The following BCL2 variants were observed in gnomAD, a reference collection of about 807,000 sequenced individuals.
BCL2 encodes apoptosis regulator Bcl-2.
Under a neutral mutation model 14.2 loss-of-function variants are expected in BCL2, and 1 was observed. The observed-to-expected ratio is 0.07, with a 90% CI of 0.02 to 0.33. BCL2 has a LOEUF of 0.33. Ranked by LOEUF, BCL2 falls within the 10% of genes least tolerant of loss-of-function variation. BCL2 has a pLI of 0.99. For missense variants in BCL2, 247 were observed against 305.9 expected (o/e 0.81, Z 1.44); for synonymous variants, 151 against 137.2 (o/e 1.10, Z -0.70).
intron 2 of BCL2, among the ~76,000 whole-genome samples, chr18:63,306,121 T>G (rs1913125226): frequency 6.6e-6 from 1 of 151,898 alleles, no homozygotes; most frequent in African/African-American, 2.4e-5. Flanking sequence ...AAAAAAGCAT[T>G]TATATATAAC....
intron 2 of BCL2, among the ~76,000 whole-genome samples, chr18:63,303,112 A>AG (rs1324186827): frequency 1.3e-5 from 2 of 152,232 alleles, no homozygotes; most frequent in African/African-American, 4.8e-5. Flanking sequence ...TGAAGGGAAA[A>AG]GGATCATACC....
intron 2 of BCL2, among the ~76,000 whole-genome samples, chr18:63,280,309 T>C (rs1912274063): frequency 3.3e-5 from 5 of 152,196 alleles, no homozygotes; most frequent in Admixed American, 1.3e-4. Flanking sequence ...ATCTATTAAA[T>C]GAAGGTGATA....
chr18:63,148,029 C>T (rs1159028864), intron 2 of BCL2, among the ~76,000 whole-genome samples: 1 of 152,136 alleles, frequency 6.6e-6, no homozygotes, highest in African/African-American at 2.4e-5. Context: ...AGAGAAAATC[C>T]ATCAGTCATT....
At chr18:63,167,675 C>T (rs1915077553) in intron 2 of BCL2, among the ~76,000 whole-genome samples, 1 of 152,064 alleles carries the variant, frequency 6.6e-6, no homozygotes, top group Non-Finnish European at 1.5e-5. Flanking sequence ...TGTCTGTAAT[C>T]CCAGCATATG....
intron 2 of BCL2, among the ~76,000 whole-genome samples, chr18:63,291,200 A>G (rs1332526962): frequency 6.6e-6 from 1 of 152,206 alleles, no homozygotes; most frequent in Non-Finnish European, 1.5e-5. Flanking sequence ...GGTTTTCACA[A>G]GAGTTACTTA....
intron 2 of BCL2, among the ~76,000 whole-genome samples, chr18:63,274,446 G>C (rs759628139): frequency 1.3e-5 from 2 of 151,606 alleles, no homozygotes; most frequent in African/African-American, 4.9e-5. Flanking sequence ...TACCATGCCC[G>C]GGTAATTTTT....
chr18:63,218,827 T>A, intron 2 of BCL2, among the ~76,000 whole-genome samples: 1 of 33,492 alleles, frequency 3.0e-5, no homozygotes, highest in Non-Finnish European at 5.9e-5. Flanking sequence ...CCCCATCCAC[T>A]CTGTCCCTTG....
At chr18:63,186,642 G>A (rs898105206) in intron 2 of BCL2, among the ~76,000 whole-genome samples, 2 of 152,128 alleles carry the variant, frequency 1.3e-5, no homozygotes, top group Non-Finnish European at 2.9e-5. Flanking sequence ...ATTGGCACAC[G>A]TGAATTTCCA....
chr18:63,234,576 C>T (rs1309369756), intron 2 of BCL2, among the ~76,000 whole-genome samples: 1 of 152,176 alleles, frequency 6.6e-6, no homozygotes, highest in Non-Finnish European at 1.5e-5. Flanking sequence ...CCAACACTAC[C>T]ACGCTGAGTG....
chr18:63,177,919 C>T (rs1915388138), intron 2 of BCL2, among the ~76,000 whole-genome samples: 1 of 152,134 alleles, frequency 6.6e-6, no homozygotes, highest in South Asian at 2.1e-4. Flanking sequence ...CTCAGCCCCC[C>T]TCCTCCCCAT....
At chr18:63,221,356 G>T (rs1344193195) in intron 2 of BCL2, among the ~76,000 whole-genome samples, 3 of 152,080 alleles carry the variant, frequency 2.0e-5, no homozygotes, top group African/African-American at 7.2e-5. Context: ...TAATCATATG[G>T]GTCCCTTCCC....
intron 2 of BCL2, among the ~76,000 whole-genome samples, chr18:63,208,938 T>C (rs908239607): frequency 1.3e-5 from 2 of 152,186 alleles, no homozygotes; most frequent in Non-Finnish European, 2.9e-5. Flanking sequence ...AGAGATCACC[T>C]GACCTCCACG....
intron 2 of BCL2, among the ~76,000 whole-genome samples, chr18:63,170,712 C>A (rs1915202725): frequency 6.6e-6 from 1 of 152,240 alleles, no homozygotes; most frequent in South Asian, 2.1e-4. Context: ...ATGGGGCCAT[C>A]TGCACTCTTT....
At chr18:63,256,780 C>T (rs1186433382) in intron 2 of BCL2, among the ~76,000 whole-genome samples, 2 of 152,196 alleles carry the variant, frequency 1.3e-5, no homozygotes, top group Non-Finnish European at 2.9e-5. Flanking sequence ...CCTTCTCCTG[C>T]ACATCTTCCA....
At position 63,301,823 on chromosome 18, in the gene BCL2, T is replaced by A. The variant is rs370572141; in HGVS notation, c.585+16259A>T. On this transcript the variant is annotated intron_variant, in intron 2 of 2. Transcript: ENST00000333681. ...ACAGAATCCAAATCTACTCTTCCCT[T>A]CTCCTGAGATCAAACTCTAGAACTA... Among the ~76,000 whole-genome samples, 7 of 152,186 alleles carry A rather than the reference T, an allele frequency of 4.6e-5. No homozygotes were observed. In the East Asian group the frequency reaches 1.2e-3, roughly 25 times the overall value.
At chr18:63,259,870 C>A (rs1911604636) in intron 2 of BCL2, among the ~76,000 whole-genome samples, 2 of 152,198 alleles carry the variant, frequency 1.3e-5, no homozygotes, top group Non-Finnish European at 2.9e-5. Context: ...CCTTCCAGAC[C>A]CTCATACAGA....
intron 2 of BCL2, among the ~76,000 whole-genome samples, chr18:63,275,212 G>A (rs1402635856): frequency 2.0e-5 from 3 of 150,956 alleles, no homozygotes; most frequent in African/African-American, 7.3e-5. Context: ...TCCAGCCTGG[G>A]TGACAGAGTC....
chr18:63,132,880 C>T (rs554259074), intron 2 of BCL2, among the ~76,000 whole-genome samples: 2 of 152,190 alleles, frequency 1.3e-5, no homozygotes, highest in South Asian at 2.1e-4. Flanking sequence ...TCATGTGATT[C>T]GGACAAAATC....
intron 2 of BCL2, among the ~76,000 whole-genome samples, chr18:63,248,939 A>G (rs1009382099): frequency 7.9e-5 from 12 of 152,330 alleles, no homozygotes; most frequent in African/African-American, 2.9e-4. Flanking sequence ...ATTTTCCATG[A>G]AATACTGGTC....
Sources: gnomAD v4.1 joint callset for allele counts (sites outside exome capture counted in the v4.1 genomes callset) on GRCh38, gnomAD v4.1.1 for gene constraint, MANE v1.5 for transcripts, NCBI Gene and HGNC (gene_info 2026-07-23, HGNC 2026-07-21) for gene names.